Variants in MAPK4 observed in about 807,000 individuals in gnomAD.
The protein encoded by MAPK4 is Erk3-related.
MAPK4 carries 22 observed loss-of-function variants against 47.7 expected under a neutral mutation model. That is an observed-to-expected ratio of 0.46 (90% CI 0.33 to 0.66). The LOEUF is 0.66. MAPK4 is among the 30% of genes least tolerant of loss of function. The probability of loss-of-function intolerance (pLI) is 0.02; values close to 1 mark genes in which losing one functional copy is unlikely to be tolerated. For synonymous variants in MAPK4, 390 were observed against 365.7 expected (o/e 1.07, Z -0.76); for missense variants, 736 against 831.7 (o/e 0.88, Z 1.42).
chr18:50,606,228 A>G (rs1478057113), intron 1 of MAPK4, among the ~76,000 whole-genome samples: 1 of 152,108 alleles, frequency 6.6e-6, no homozygotes, highest in African/African-American at 2.4e-5. Context: ...TGACAGATAT[A>G]AGCAAAGGAA....
chr18:50,614,914 A>G (rs1350675328), intron 1 of MAPK4, among the ~76,000 whole-genome samples: 1 of 152,092 alleles, frequency 6.6e-6, no homozygotes, highest in Non-Finnish European at 1.5e-5. Context: ...TCTCTGAGGG[A>G]GGAGTTGTTG....
intron 1 of MAPK4, among the ~76,000 whole-genome samples, chr18:50,660,954 G>A (rs1212807016): frequency 6.6e-6 from 1 of 152,140 alleles, no homozygotes; most frequent in Non-Finnish European, 1.5e-5. Flanking sequence ...TCCCATGCAT[G>A]AGAGGGAAAG....
At chr18:50,704,071 C>T (rs1909924932) in intron 2 of MAPK4, among the ~76,000 whole-genome samples, 1 of 152,140 alleles carries the variant, frequency 6.6e-6, no homozygotes, top group East Asian at 1.9e-4. Context: ...GACCTTGTGA[C>T]AGAGAGACTT....
Position 50,731,085 on chromosome 18 carries a change from G to C in MAPK4, c.*1231G>C, listed in dbSNP as rs1568105027. ...GGAATCCAGAAAGGTAGGAAGATAT[G>C]AAAAGAGAGGTGTCAACAGCAAGGG... On this transcript the variant is annotated 3_prime_UTR_variant, in exon 6 of 6. Coordinates refer to ENST00000400384, the MANE Select transcript of MAPK4 (RefSeq NM_002747.4). 6.6e-6 allele frequency: 1 copy of C among 152,388 alleles called. No individual in the cohort carries two copies. The highest frequency in any genetic ancestry group is 2.4e-5 in the African/African-American group (1 of 41,456). 9.4% of individuals were successfully genotyped at this position (152,388 alleles called of 1,614,324 possible).
chr18:50,569,008 A>G (rs1423561430), intron 1 of MAPK4, among the ~76,000 whole-genome samples: 1 of 152,168 alleles, frequency 6.6e-6, no homozygotes, highest in African/African-American at 2.4e-5. Context: ...ATTGTTTTAC[A>G]TTCTGTATCT....
At chr18:50,597,972 G>C (rs979038061) in intron 1 of MAPK4, among the ~76,000 whole-genome samples, 1 of 152,156 alleles carries the variant, frequency 6.6e-6, no homozygotes, top group Non-Finnish European at 1.5e-5. Flanking sequence ...TGAGCTGGGG[G>C]GAAAAACAAG....
intron 4 of MAPK4, among the ~76,000 whole-genome samples, chr18:50,723,990 G>T (rs1177500535): frequency 1.3e-5 from 2 of 152,086 alleles, no homozygotes; most frequent in Non-Finnish European, 2.9e-5. Flanking sequence ...GATGGAGTCT[G>T]TGGAGCAGCT....
chr18:50,689,020 A>C (rs1043908533), intron 2 of MAPK4, among the ~76,000 whole-genome samples: 4 of 151,898 alleles, frequency 2.6e-5, no homozygotes, highest in African/African-American at 7.3e-5. Flanking sequence ...GCACTTTGGG[A>C]GGCTGAGGCG....
intron 1 of MAPK4, among the ~76,000 whole-genome samples, chr18:50,616,025 A>C (rs2042681456): frequency 6.6e-6 from 1 of 152,236 alleles, no homozygotes; most frequent in Non-Finnish European, 1.5e-5. Context: ...CTGGTTTACA[A>C]ACTGGGTTCC....
At position 50,676,116 on chromosome 18, in the gene MAPK4, A is replaced by C. The variant is rs556681339; in HGVS notation, c.546+11612A>C. On this transcript the variant is annotated intron_variant, in intron 2 of 5. Coordinates refer to ENST00000400384, the MANE Select transcript of MAPK4 (RefSeq NM_002747.4). ...GCTCTGTATACTCTATTTTACATGAATATGGTTGATCTTTTTTTAGCCCAA... is the reference window on the plus strand; with the variant it reads ...GCTCTGTATACTCTATTTTACATGACTATGGTTGATCTTTTTTTAGCCCAA... Among the ~76,000 whole-genome samples the C allele has an allele frequency of 3.3e-5, 5 of 152,334 alleles. No homozygotes were observed. In the South Asian group the frequency reaches 1.0e-3, roughly 32 times the overall value.
At chr18:50,654,200 C>T (rs140056691) in intron 1 of MAPK4, among the ~76,000 whole-genome samples, 1 of 152,340 alleles carries the variant, frequency 6.6e-6, no homozygotes, top group African/African-American at 2.4e-5. Flanking sequence ...TAAGTGGTCC[C>T]ATTTATGGGT....
intron 1 of MAPK4, among the ~76,000 whole-genome samples, chr18:50,596,998 T>G (rs1403989108): frequency 6.6e-6 from 1 of 152,228 alleles, no homozygotes; most frequent in Non-Finnish European, 1.5e-5. Flanking sequence ...GTGTTCAATT[T>G]AAAAGCACAG....
intron 5 of MAPK4, among the ~76,000 whole-genome samples, chr18:50,728,357 G>A (rs985827857): frequency 6.6e-6 from 1 of 152,230 alleles, no homozygotes; most frequent in Admixed American, 6.5e-5. Context: ...GGGGCAGAAT[G>A]CCAAAGATCT....
intron 1 of MAPK4, among the ~76,000 whole-genome samples, chr18:50,601,333 CAAAAAAA>C (rs35148592): frequency 3.8e-5 from 2 of 53,192 alleles, no homozygotes; most frequent in Non-Finnish European, 3.8e-5. Context: ...GACTCTATGT[CAAAAAAA>C]AAAAAAAAAA....
At chr18:50,688,461 A>T (rs900433892) in intron 2 of MAPK4, among the ~76,000 whole-genome samples, 4 of 152,254 alleles carry the variant, frequency 2.6e-5, no homozygotes, top group Non-Finnish European at 1.5e-5. Flanking sequence ...TTAACCTCTC[A>T]TGAAAGTACT....
At chr18:50,682,981 A>C (rs776786624) in intron 2 of MAPK4, among the ~76,000 whole-genome samples, 5 of 152,248 alleles carry the variant, frequency 3.3e-5, no homozygotes, top group African/African-American at 9.6e-5. Flanking sequence ...AAATGAAGTA[A>C]ATTCTGTGTG....
At chr18:50,685,959 G>A (rs151280167) in intron 2 of MAPK4, among the ~76,000 whole-genome samples, 110 of 152,052 alleles carry the variant, frequency 7.2e-4, no homozygotes, top group African/African-American at 2.5e-3. Context: ...AGAGCACCAC[G>A]GTTCTCAGAC....
chr18:50,613,367 T>G (rs1334823429), intron 1 of MAPK4, among the ~76,000 whole-genome samples: 3 of 152,108 alleles, frequency 2.0e-5, no homozygotes, highest in Non-Finnish European at 2.9e-5. Context: ...CTCCAGCCAG[T>G]AGTCAGTAAG....
intron 1 of MAPK4, among the ~76,000 whole-genome samples, chr18:50,601,110 AAAAAGAAG>A (rs2042534355): frequency 1.3e-5 from 2 of 151,476 alleles, no homozygotes; most frequent in East Asian, 1.9e-4. Context: ...AAAAAAAAAA[AAAAAGAAG>A]AAGAAGAAGA....
Sources: gnomAD v4.1 joint callset for allele counts (sites outside exome capture counted in the v4.1 genomes callset) on GRCh38, gnomAD v4.1.1 for gene constraint, MANE v1.5 for transcripts, NCBI Gene and HGNC (gene_info 2026-07-23, HGNC 2026-07-21) for gene names.